ABLIM2: variants seen among roughly 807,000 people sequenced by gnomAD.
ABLIM2 encodes the protein actin-binding LIM protein 2.
ABLIM2 carries 53 observed loss-of-function variants against 97.7 expected under a neutral mutation model. That is an observed-to-expected ratio of 0.54 (90% confidence interval 0.44 to 0.68). The LOEUF (loss-of-function observed/expected upper bound fraction) is 0.68. Ranked by LOEUF, ABLIM2 falls within the 30% of genes least tolerant of loss-of-function variation. The pLI, the probability that ABLIM2 is intolerant of heterozygous loss-of-function variation, is 0.00. For missense variants in ABLIM2, 835 were observed against 867.2 expected, an observed-to-expected ratio of 0.96 and a Z score of 0.47; for synonymous variants, 361 against 345.8, an observed-to-expected ratio of 1.04 and a Z score of -0.49.
rs115235341 is a variant in ABLIM2, at chr4:8,069,300, C to G, written c.676-8246G>C. ...ACGGTGCCCAGGAGGCCAGCCTGAG[C>G]GGCCCTAGAGGACCAGAGAACTTGA... On this transcript the variant is annotated intron_variant, in intron 6 of 20. Coordinates refer to ENST00000447017, the MANE Select transcript of ABLIM2 (RefSeq NM_001130083.2). This position sits in a 1 kb window ranked among gnomAD's most constrained non-coding sequence, Gnocchi z 4.2. Among the ~76,000 whole-genome samples the G allele has an allele frequency of 7.2e-5, 11 of 152,236 alleles. No individual in the cohort carries two copies. Among genetic ancestry groups the G allele is most frequent in the Non-Finnish European group, 1.5e-4 (10 of 68,044 alleles).
At chr4:8,078,258 C>T (rs1229016453) in intron 5 of ABLIM2, among the ~76,000 whole-genome samples, 1 of 152,236 alleles carries the variant, frequency 6.6e-6, no homozygotes, top group African/African-American at 2.4e-5. Flanking sequence ...AAGGCTGGCT[C>T]TGGCCACACT....
rs972938152 is a variant in ABLIM2, at chr4:8,087,723, G to A, written c.454+446C>T. On this transcript the variant is annotated intron_variant, in intron 4 of 20. Coordinates refer to ENST00000447017, the MANE Select transcript of ABLIM2 (RefSeq NM_001130083.2). This position sits in a 1 kb window ranked among gnomAD's most constrained non-coding sequence, Gnocchi z 4.6. ...GGGCATTAGATGGGAAAGCAGCAGT[G>A]GACATTAGATGGGAAAGCAGCAGTG... 2.6e-5 allele frequency among the ~76,000 whole-genome samples: 4 copies of A among 152,082 alleles called. No individual in the cohort carries two copies. The highest frequency in any genetic ancestry group is 9.7e-5 in the African/African-American group (4 of 41,392).
At chr4:7,978,454 A>G (rs1200308797) in intron 20 of ABLIM2, among the ~76,000 whole-genome samples, 1 of 152,364 alleles carries the variant, frequency 6.6e-6, no homozygotes, top group Non-Finnish European at 1.5e-5. Context: ...TATTGCCAAA[A>G]AAAAGTGAAA....
In ABLIM2 at chr4:8,027,763, G is replaced by C. The variant is rs760906603; in HGVS notation, c.1263C>G (p.Phe421Leu). The change falls in exon 12 of 21, where the codon TTC becomes TTG. Residue 421 changes from phenylalanine to leucine, a missense_variant. Transcript: ENST00000447017. ...SVFRHHYIPYFRGSESGRSTP... is the reference protein window; with the variant it reads ...SVFRHHYIPYLRGSESGRSTP... ...CCACATCACTGCGTGCCTTACCTCG[G>C]AAGTAGGGGATGTAATGATGTCTGA... 1.3e-6 allele frequency: 2 copies of C among 1,584,808 alleles called. No individual in the cohort carries two copies. Among genetic ancestry groups the C allele is most frequent in the Admixed American group, 1.8e-5 (1 of 55,822 alleles).
In ABLIM2 at chr4:8,127,541, A is replaced by G; in HGVS notation, c.11-20904T>C. Reference sequence around the variant, plus strand: ...GTCTGGGCAAAAGCGCAGTTTGGGGATTTACCTGTGTCTCCCCCTGGCACC... The same window carrying G: ...GTCTGGGCAAAAGCGCAGTTTGGGGGTTTACCTGTGTCTCCCCCTGGCACC... On this transcript the variant is annotated intron_variant, in intron 1 of 20. Coordinates refer to ENST00000447017, the MANE Select transcript of ABLIM2 (RefSeq NM_001130083.2). This position sits in a 1 kb window ranked among gnomAD's most constrained non-coding sequence, Gnocchi z 7.3. 7.8e-7 allele frequency: 1 copy of G among 1,289,670 alleles called. No homozygotes were observed. Among genetic ancestry groups the G allele is most frequent in the Non-Finnish European group, 1.0e-6 (1 of 988,832 alleles). The allele number at this position is 1,289,670 out of a possible 1,614,324, so 79.9% of individuals were successfully genotyped here. A position where few individuals can be genotyped will look rare whatever the true frequency, so the allele number is the denominator to read the frequency against.
intron 1 of ABLIM2, among the ~76,000 whole-genome samples, chr4:8,154,683 C>T (rs906981606): frequency 4.6e-5 from 7 of 152,158 alleles, no homozygotes; most frequent in African/African-American, 9.7e-5. Flanking sequence ...TCTTCCCCAC[C>T]GCCCAATTAG....
At position 8,075,654 on chromosome 4, in the gene ABLIM2, C is replaced by A. The variant is rs111556761; in HGVS notation, c.675+1974G>T. 2.6e-5 allele frequency among the ~76,000 whole-genome samples: 4 copies of A among 151,814 alleles called. No homozygotes were observed. The highest frequency in any genetic ancestry group is 6.6e-5 in the Admixed American group (1 of 15,246). ...CTGCAGTGAGCTGTGATGACACCAC[C>A]GCACTCCAGCCTGGGCAACTGAGTG... On this transcript the variant is annotated intron_variant, in intron 6 of 20. Coordinates refer to ENST00000447017, the MANE Select transcript of ABLIM2 (RefSeq NM_001130083.2). This position sits in a 1 kb window ranked among gnomAD's most constrained non-coding sequence, Gnocchi z 4.4.
intron 20 of ABLIM2, among the ~76,000 whole-genome samples, chr4:7,969,007 C>A (rs1018345350): frequency 1.9e-4 from 29 of 152,062 alleles, no homozygotes; most frequent in Non-Finnish European, 2.9e-4. Context: ...TGGCACATGC[C>A]TGTAATCCCA....
At chr4:8,141,285 G>T (rs1401763107) in intron 1 of ABLIM2, among the ~76,000 whole-genome samples, 3 of 151,544 alleles carry the variant, frequency 2.0e-5, no homozygotes, top group Non-Finnish European at 4.4e-5. Flanking sequence ...GCAAACAAAA[G>T]CTATAATCTT....
intron 2 of ABLIM2, among the ~76,000 whole-genome samples, chr4:8,103,081 G>A (rs1033006662): frequency 7.2e-5 from 11 of 152,352 alleles, no homozygotes; most frequent in East Asian, 1.9e-4. Flanking sequence ...CTGCTGACAC[G>A]CACAGGGTGC....
intron 1 of ABLIM2, among the ~76,000 whole-genome samples, chr4:8,109,701 A>G (rs6823108): frequency 0.71 from 108,709 of 152,160 alleles, 38,971 homozygotes; most frequent in East Asian, 0.77. Context: ...GGCGGTGGGT[A>G]TCAGCTGTCT....
chr4:8,102,976 C>T (rs111494161), intron 2 of ABLIM2, among the ~76,000 whole-genome samples: 351 of 152,342 alleles, frequency 2.3e-3, no homozygotes, highest in African/African-American at 8.2e-3. Context: ...TGCGAGGAGA[C>T]AGGCTTTGCC....
At chr4:8,013,939 C>G (rs1229794279) in intron 14 of ABLIM2, among the ~76,000 whole-genome samples, 1 of 152,248 alleles carries the variant, frequency 6.6e-6, no homozygotes, top group Non-Finnish European at 1.5e-5. Context: ...TACCAGCTCC[C>G]TCTTTGGCGG....
At chr4:8,008,917 C>T in intron 15 of ABLIM2, 133 bp downstream of exon 15, 9 of 1,006,724 alleles carry the variant, frequency 8.9e-6, no homozygotes, top group Non-Finnish European at 1.4e-5. Flanking sequence ...GGGCCTCCTA[C>T]CTTTGGCCTC....
At chr4:7,968,113 TC>T (rs764580435) in intron 20 of ABLIM2, among the ~76,000 whole-genome samples, 67 of 152,250 alleles carry the variant, frequency 4.4e-4, no homozygotes, top group Admixed American at 9.8e-4. Context: ...CGGGGATGCT[TC>T]CCTTTGCTCC....
intron 3 of ABLIM2, among the ~76,000 whole-genome samples, chr4:8,091,961 G>A (rs1265661885): frequency 8.1e-6 from 1 of 124,148 alleles, no homozygotes; most frequent in Admixed American, 9.5e-5. Context: ...TTATAATATA[G>A]AATACATATT....
intron 13 of ABLIM2, 51 bp downstream of exon 13, chr4:8,020,151 G>T: frequency 6.5e-7 from 1 of 1,546,344 alleles, no homozygotes; most frequent in Non-Finnish European, 8.8e-7. Flanking sequence ...GCCAGTTTCG[G>T]TGTGGACAGT....
chr4:8,091,351 A>ATATTATATATATATAATATATAT (rs1561326003), intron 3 of ABLIM2, among the ~76,000 whole-genome samples: 1 of 19,424 alleles, frequency 5.1e-5, no homozygotes. Context: ...ATATATATAT[A>ATATTATATATATATAATATATAT]ATTATATATA....
intron 1 of ABLIM2, among the ~76,000 whole-genome samples, chr4:8,154,287 T>TTTC (rs1561649666): frequency 8.6e-5 from 11 of 128,564 alleles, no homozygotes; most frequent in Non-Finnish European, 1.8e-4. Flanking sequence ...TTTTCTTTTT[T>TTTC]TTTTTTTTTT....
Sources: allele counts gnomAD v4.1 joint callset (sites outside exome capture counted in the v4.1 genomes callset), GRCh38; gene constraint gnomAD v4.1.1; non-coding constraint Gnocchi (gnomAD v3.1); transcripts MANE v1.5; gene names NCBI Gene and HGNC (gene_info 2026-07-23, HGNC 2026-07-21).